ZYG11B: variants seen among roughly 807,000 people sequenced by gnomAD.
ZYG11B encodes protein zyg-11 homolog B.
ZYG11B carries 36 observed loss-of-function variants against 82.4 expected under a neutral mutation model. That is an observed-to-expected ratio of 0.44 (90% confidence interval 0.33 to 0.58). The LOEUF is 0.58. Among genes scored for constraint, ZYG11B ranks in the 20% least tolerant of loss-of-function variants. ZYG11B has a pLI of 0.02. For synonymous variants in ZYG11B, 303 were observed against 312.8 expected (o/e 0.97, Z 0.33); for missense variants, 552 against 895.6 (o/e 0.62, Z 4.90).
intron 10 of ZYG11B, among the ~76,000 whole-genome samples, chr1:52,804,520 T>G (rs1334787041): frequency 6.6e-6 from 1 of 151,536 alleles, no homozygotes; most frequent in Non-Finnish European, 1.5e-5. Flanking sequence ...GGCTGAGGCA[T>G]GAGAATCGCT....
chr1:52,732,104 A>AT (rs1245352324), intron 1 of ZYG11B, among the ~76,000 whole-genome samples: 2 of 152,192 alleles, frequency 1.3e-5, no homozygotes, highest in East Asian at 1.9e-4. Flanking sequence ...TGCCCAGCCT[A>AT]TTTTTTTCTT....
chr1:52,762,761 TA>T (rs1284160831), intron 2 of ZYG11B, among the ~76,000 whole-genome samples: 1 of 151,886 alleles, frequency 6.6e-6, no homozygotes, highest in African/African-American at 2.4e-5. Context: ...TTTGTATTTT[TA>T]GTAGAGACAG....
chr1:52,774,615 T>TC (rs1644788234), intron 3 of ZYG11B, among the ~76,000 whole-genome samples: 1 of 73,974 alleles, frequency 1.4e-5, no homozygotes, highest in African/African-American at 3.3e-5. Flanking sequence ...CCTAATTTTT[T>TC]TTTTTTTTTT....
Position 52,801,804 on chromosome 1 carries a change from T to TG in ZYG11B, c.1486-15_1486-14insG, listed in dbSNP as rs749253847. On this transcript the variant is annotated splice_polypyrimidine_tract_variant and intron_variant, in intron 8 of 13. Transcript: ENST00000294353. Reference sequence around the variant, plus strand: ...TTCAAAAGTGAAAACTTATTTCTGTTTTTTTTTTTTTCAGCAACTTCTTCA... The same window carrying TG: ...TTCAAAAGTGAAAACTTATTTCTGTTGTTTTTTTTTTTCAGCAACTTCTTCA... The TG allele has an allele frequency of 5.1e-5, 75 of 1,458,538 alleles. No homozygotes were observed. In the African/African-American group the frequency reaches 1.2e-3, roughly 23 times the overall value. The allele number at this position is 1,458,538 out of a possible 1,614,324, so 90.3% of individuals were successfully genotyped here.
chr1:52,756,419 G>A, intron 1 of ZYG11B, 39 bp from the exon 2 acceptor site: 4 of 1,586,576 alleles, frequency 2.5e-6, no homozygotes, highest in Non-Finnish European at 3.4e-6. Flanking sequence ...TAACTAGTTG[G>A]TTTTTGTGTT....
At chr1:52,805,410 C>T in intron 10 of ZYG11B, 1 of 450,624 alleles carries the variant, frequency 2.2e-6, no homozygotes, top group Non-Finnish European at 4.5e-6. Flanking sequence ...TGGAAAACAA[C>T]CTAAATGTCC....
chr1:52,782,069 ATTTG>A (rs1395972948), intron 4 of ZYG11B, among the ~76,000 whole-genome samples: 1 of 151,586 alleles, frequency 6.6e-6, no homozygotes, highest in Non-Finnish European at 1.5e-5. Flanking sequence ...TTATTTATTT[ATTTG>A]TTTATTTATT....
chr1:52,749,754 T>C (rs956782292), intron 1 of ZYG11B, among the ~76,000 whole-genome samples: 8 of 152,182 alleles, frequency 5.3e-5, no homozygotes, highest in African/African-American at 1.9e-4. Context: ...GGTTTTGCCA[T>C]GTTGGCCAGG....
Position 52,802,106 on chromosome 1 carries a change from G to C in ZYG11B, c.1662G>C (p.Glu554Asp). ...TCTTTTTACAGTCTTTCCCAACTGA[G>C]TCATCCATTCAGCAGAAAGTTCTAG... ...FMRVLESFPT[E>D]SSIQQKVLGL... Residue 554 changes from glutamate (E) to aspartate (D), a missense_variant, in exon 10 of 14, where the codon GAG becomes GAC. Physicochemically the swap from Glu to Asp is conservative, Grantham distance 45. Coordinates refer to ENST00000294353, the MANE Select transcript of ZYG11B (RefSeq NM_024646.3). 1 of 1,611,156 alleles carries C rather than the reference G, an allele frequency of 6.2e-7. No homozygotes were observed. The highest frequency in any genetic ancestry group is 8.5e-7 in the Non-Finnish European group (1 of 1,179,212).
chr1:52,784,647 T>A (rs1419269217), intron 4 of ZYG11B, among the ~76,000 whole-genome samples: 1 of 152,136 alleles, frequency 6.6e-6, no homozygotes, highest in Non-Finnish European at 1.5e-5. Flanking sequence ...TGAAAAAGAT[T>A]CATTAACTTT....
chr1:52,799,276 A>G (rs1287260943), intron 8 of ZYG11B, among the ~76,000 whole-genome samples: 3 of 152,078 alleles, frequency 2.0e-5, no homozygotes, highest in African/African-American at 4.8e-5. Context: ...TCACAAGGTC[A>G]GGAGATCGAG....
At chr1:52,788,920 TG>T (rs1317762898) in intron 5 of ZYG11B, among the ~76,000 whole-genome samples, 1 of 152,126 alleles carries the variant, frequency 6.6e-6, no homozygotes, top group African/African-American at 2.4e-5. Context: ...CAAATTATCG[TG>T]TTTATTTGGG....
intron 13 of ZYG11B, among the ~76,000 whole-genome samples, chr1:52,818,135 G>A (rs1346143224): frequency 6.6e-6 from 1 of 151,590 alleles, no homozygotes; most frequent in African/African-American, 2.4e-5. Flanking sequence ...ACTGTGCCTG[G>A]CCTACTTTTA....
intron 4 of ZYG11B, among the ~76,000 whole-genome samples, chr1:52,783,805 T>TATATATACACACACAC (rs74185908): frequency 1.5e-5 from 2 of 135,004 alleles, no homozygotes; most frequent in Non-Finnish European, 3.1e-5. Context: ...TATATATATA[T>TATATATACACACACAC]ACACACACAC....
chr1:52,802,157 C>T lies in ZYG11B; in HGVS notation c.1695+18C>T, dbSNP rs779464950. On this transcript the variant is annotated intron_variant, in intron 10 of 13. Transcript: ENST00000294353. Reference sequence around the variant, plus strand: ...GACTTTTGGTAAGATATAAGCACTTCCTGCTAAGTTCCAAGCTATATTTAT... The same window carrying T: ...GACTTTTGGTAAGATATAAGCACTTTCTGCTAAGTTCCAAGCTATATTTAT... 3.9e-5 allele frequency: 62 copies of T among 1,603,288 alleles called. No homozygotes were observed. Among genetic ancestry groups the T allele is most frequent in the Non-Finnish European group, 4.8e-5 (57 of 1,176,658 alleles).
intron 1 of ZYG11B, among the ~76,000 whole-genome samples, chr1:52,750,028 T>A (rs1266722924): frequency 6.6e-6 from 1 of 152,232 alleles, no homozygotes; most frequent in Non-Finnish European, 1.5e-5. Flanking sequence ...TAAGATGACC[T>A]CTAACCATCA....
Position 52,816,587 on chromosome 1 carries a change from C to T in ZYG11B, c.2002C>T (p.Leu668=), listed in dbSNP as rs1645225984. 1.2e-6 allele frequency: 2 copies of T among 1,613,196 alleles called. No individual in the cohort carries two copies. The highest frequency in any genetic ancestry group is 1.7e-4 in the Middle Eastern group (1 of 6,058). The change falls in exon 13 of 14, where the codon CTA becomes TTA. Residue 668 remains leucine (L), a synonymous_variant. Transcript: ENST00000294353. ...CTGTTTCACAACACCAGGAGTTCAGCTATGGGCAGTTTGGGCCATGCAACA... is the reference window on the plus strand; with the variant it reads ...CTGTTTCACAACACCAGGAGTTCAGTTATGGGCAGTTTGGGCCATGCAACA... ...LGCFTTPGVQ[L]WAVWAMQHVC...
At chr1:52,802,628 G>A (rs1193431584) in intron 10 of ZYG11B, among the ~76,000 whole-genome samples, 1 of 151,658 alleles carries the variant, frequency 6.6e-6, no homozygotes, top group African/African-American at 2.4e-5. Flanking sequence ...TGGGATTATA[G>A]GCATGAGCTG....
At chr1:52,728,776 TA>T (rs1308321293) in intron 1 of ZYG11B, among the ~76,000 whole-genome samples, 2 of 152,094 alleles carry the variant, frequency 1.3e-5, no homozygotes, top group African/African-American at 2.4e-5. Context: ...GAAAGTTGAA[TA>T]GGATTTATAT....
Sources: allele counts gnomAD v4.1 joint callset (sites outside exome capture counted in the v4.1 genomes callset), GRCh38; gene constraint gnomAD v4.1.1; transcripts MANE v1.5; gene names NCBI Gene and HGNC (gene_info 2026-07-23, HGNC 2026-07-21).